Variants in TMEM132B observed in about 807,000 individuals in gnomAD.
TMEM132B encodes transmembrane protein 132B.
Under a neutral mutation model 90.8 loss-of-function variants are expected in TMEM132B, and 18 were observed. The observed-to-expected ratio is 0.20, with a 90% confidence interval of 0.14 to 0.29. TMEM132B has a LOEUF of 0.29. TMEM132B is among the 10% of genes least tolerant of loss of function. The pLI, the probability that TMEM132B is intolerant of heterozygous loss-of-function variation, is 1.00. For missense variants in TMEM132B, 1,096 were observed against 1,326.8 expected (o/e 0.83, Z 2.70); for synonymous variants, 504 against 523.3 (o/e 0.96, Z 0.50).
At chr12:125,293,152 C>T (rs1335440970) in intron 1 of TMEM132B, among the ~76,000 whole-genome samples, 3 of 152,190 alleles carry the variant, frequency 2.0e-5, no homozygotes, top group Non-Finnish European at 4.4e-5. Flanking sequence ...GGATGTGGTA[C>T]AGTCTCTCCC....
intron 1 of TMEM132B, among the ~76,000 whole-genome samples, chr12:125,296,022 A>G (rs1875664408): frequency 1.3e-5 from 2 of 152,226 alleles, no homozygotes; most frequent in South Asian, 4.1e-4. Flanking sequence ...ACTTAAAAAA[A>G]GAAAAGGTTG....
chr12:125,586,224 C>T (rs1304941395), intron 5 of TMEM132B: 3 of 152,092 alleles, frequency 2.0e-5, no homozygotes, highest in Non-Finnish European at 4.4e-5. Flanking sequence ...GATCTTTGTG[C>T]CTTGGAACCA....
chr12:125,295,608 A>G (rs73422837), intron 1 of TMEM132B, among the ~76,000 whole-genome samples: 3,622 of 151,992 alleles, frequency 0.024, 149 homozygotes, highest in African/African-American at 0.083. Flanking sequence ...CTTTGTTGTG[A>G]TGATGTCTTG....
Position 125,446,161 on chromosome 12 carries a change from T to A in TMEM132B, c.1106+30484T>A, listed in dbSNP as rs1289830658. On this transcript the variant is annotated intron_variant, in intron 3 of 8. Coordinates refer to ENST00000682704, the MANE Select transcript of TMEM132B (RefSeq NM_001366854.1). ...CATTATAGTTAATAGTTATTTGTTT[T>A]AAATTTTTTTTTCTTGTTCAAATTA... Among the ~76,000 whole-genome samples the A allele has an allele frequency of 3.9e-5, 6 of 152,356 alleles. No individual in the cohort carries two copies. The East Asian group carries it at 9.6e-4, about 24-fold the overall frequency.
chr12:125,499,763 C>A (rs1048881876), intron 3 of TMEM132B, among the ~76,000 whole-genome samples: 29 of 152,178 alleles, frequency 1.9e-4, no homozygotes, highest in African/African-American at 6.5e-4. Context: ...TTGTTTGTAA[C>A]AAGCTTTTGC....
At chr12:125,643,297 C>G (rs184377061) in intron 5 of TMEM132B, among the ~76,000 whole-genome samples, 6 of 152,324 alleles carry the variant, frequency 3.9e-5, no homozygotes, top group Admixed American at 2.6e-4. Flanking sequence ...GTCCTCTGCT[C>G]ATGAAACGAT....
intron 3 of TMEM132B, among the ~76,000 whole-genome samples, chr12:125,440,905 A>G (rs952253662): frequency 1.6e-4 from 24 of 152,306 alleles, no homozygotes; most frequent in Admixed American, 1.3e-3. Context: ...AGAAGGGGCT[A>G]TGCTCTCTCG....
At position 125,519,598 on chromosome 12, in the gene TMEM132B, C is replaced by T; in HGVS notation, c.1266C>T (p.Thr422=). The change falls in exon 4 of 9, where the codon ACC becomes ACT. Residue 422 remains threonine, a synonymous_variant. Coordinates refer to ENST00000682704, the MANE Select transcript of TMEM132B (RefSeq NM_001366854.1). ...CCGAGATCTTCGTCAGCCAGACAAC[C>T]TTCGTGGGCATCGTCCCTCTTGCCA... ...VVSEIFVSQT[T]FVGIVPLAMD... The T allele has an allele frequency of 6.2e-7, 1 of 1,614,090 alleles. No homozygotes were observed. The highest frequency in any genetic ancestry group is 8.5e-7 in the Non-Finnish European group (1 of 1,180,020).
intron 1 of TMEM132B, among the ~76,000 whole-genome samples, chr12:125,202,433 A>C (rs909610951): frequency 7.9e-5 from 12 of 152,172 alleles, no homozygotes; most frequent in Non-Finnish European, 1.6e-4. Flanking sequence ...GTGTTAGCTA[A>C]GGTTTGGGTC....
chr12:125,532,837 A>G (rs1325582185), intron 4 of TMEM132B, among the ~76,000 whole-genome samples: 1 of 152,130 alleles, frequency 6.6e-6, no homozygotes, highest in Non-Finnish European at 1.5e-5. Flanking sequence ...GTTCTGAGAC[A>G]ATAATTTTCT....
chr12:125,553,934 T>A (rs979152168), intron 4 of TMEM132B, among the ~76,000 whole-genome samples: 21 of 152,084 alleles, frequency 1.4e-4, no homozygotes, highest in African/African-American at 4.8e-4. Context: ...TCAATATTAA[T>A]AATGAATGAA....
intron 1 of TMEM132B, among the ~76,000 whole-genome samples, chr12:125,216,986 G>A (rs1289095108): frequency 3.3e-5 from 5 of 152,246 alleles, no homozygotes; most frequent in East Asian, 3.8e-4. Context: ...ACTCGGCCGC[G>A]CAGATGCCTT....
chr12:125,290,863 T>A (rs1483582603), intron 1 of TMEM132B, among the ~76,000 whole-genome samples: 1 of 152,174 alleles, frequency 6.6e-6, no homozygotes, highest in Non-Finnish European at 1.5e-5. Context: ...GTAGACAGAA[T>A]TGAAGGTACA....
intron 3 of TMEM132B, among the ~76,000 whole-genome samples, chr12:125,441,874 T>A (rs1422807104): frequency 6.6e-6 from 1 of 152,238 alleles, no homozygotes; most frequent in African/African-American, 2.4e-5. Flanking sequence ...CAACCCAGCC[T>A]TTGTAAATGT....
At chr12:125,632,161 T>C (rs1886381401) in intron 5 of TMEM132B, among the ~76,000 whole-genome samples, 2 of 152,212 alleles carry the variant, frequency 1.3e-5, no homozygotes, top group East Asian at 1.9e-4. Context: ...ACATGTTTTT[T>C]AGTTTGAGAT....
chr12:125,619,725 T>C (rs866348043), intron 5 of TMEM132B, among the ~76,000 whole-genome samples: 1 of 152,184 alleles, frequency 6.6e-6, no homozygotes, highest in Non-Finnish European at 1.5e-5. Flanking sequence ...TAGTCTATTC[T>C]GAAGAGCCTG....
intron 3 of TMEM132B, among the ~76,000 whole-genome samples, chr12:125,451,817 T>C (rs1593153919): frequency 2.0e-5 from 3 of 152,360 alleles, no homozygotes; most frequent in Admixed American, 2.0e-4. Flanking sequence ...TAGTTTACTT[T>C]TGCATGTGCC....
intron 4 of TMEM132B, among the ~76,000 whole-genome samples, chr12:125,548,742 G>A (rs911615271): frequency 2.0e-5 from 3 of 152,206 alleles, no homozygotes; most frequent in African/African-American, 7.2e-5. Flanking sequence ...GAGCAGAGGA[G>A]TTGACATGGT....
intron 1 of TMEM132B, among the ~76,000 whole-genome samples, chr12:125,308,166 A>G (rs1876040930): frequency 6.8e-6 from 1 of 147,946 alleles, no homozygotes; most frequent in Non-Finnish European, 1.5e-5. Flanking sequence ...ATAAGTATAT[A>G]TATAGTTATA....
Sources: allele counts gnomAD v4.1 joint callset (sites outside exome capture counted in the v4.1 genomes callset), GRCh38; gene constraint gnomAD v4.1.1; transcripts MANE v1.5; gene names NCBI Gene and HGNC (gene_info 2026-07-23, HGNC 2026-07-21).